The following ICA1 variants were observed in gnomAD, a reference collection of about 807,000 sequenced individuals.
The protein encoded by ICA1 is islet cell autoantigen 1.
A neutral mutation model predicts 71.0 loss-of-function variants in ICA1; 40 were observed. That is an observed-to-expected ratio of 0.56 (90% CI 0.44 to 0.73). ICA1 has a LOEUF of 0.73. Among genes scored for constraint, ICA1 ranks in the 30% least tolerant of loss-of-function variants. The pLI, the probability that ICA1 is intolerant of heterozygous loss-of-function variation, is 0.00. For missense variants in ICA1, 578 were observed against 576.5 expected (o/e 1.00, Z -0.03); for synonymous variants, 207 against 209.5 (o/e 0.99, Z 0.10).
chr7:8,153,381 A>G (rs1261061475), intron 8 of ICA1, among the ~76,000 whole-genome samples: 10 of 152,144 alleles, frequency 6.6e-5, no homozygotes, highest in African/African-American at 1.9e-4. Flanking sequence ...GAGGGGCCCA[A>G]TGCTCACTGC....
Position 8,234,280 on chromosome 7 carries a change from T to C in ICA1, c.18-1525A>G, listed in dbSNP as rs1801160747. On this transcript the variant is annotated intron_variant, in intron 2 of 13. Transcript: ENST00000402384. The surrounding 1 kb of genome is among the most constrained non-coding windows in gnomAD (Gnocchi z 4.5). ...AAAAGTAATTGAAAATGAAATGGAA[T>C]TGTGTAAAAGTGATTGGAGTACCCC... 6.6e-6 allele frequency among the ~76,000 whole-genome samples: 1 copy of C among 152,146 alleles called. No individual in the cohort carries two copies. Among genetic ancestry groups the C allele is most frequent in the Non-Finnish European group, 1.5e-5 (1 of 68,018 alleles).
intron 6 of ICA1, among the ~76,000 whole-genome samples, chr7:8,197,225 C>A (rs1340688626): frequency 6.6e-6 from 1 of 150,944 alleles, no homozygotes; most frequent in Admixed American, 6.6e-5. Flanking sequence ...ATGCTTCAGA[C>A]CCTTAAAAAA....
chr7:8,250,956 A>G lies in ICA1; in HGVS notation c.-80+11138T>C, dbSNP rs575053148. Among the ~76,000 whole-genome samples, 102 of 132,672 alleles carry G rather than the reference A, an allele frequency of 7.7e-4. 1 individual carries two copies. The highest frequency in any genetic ancestry group is 6.7e-4 in the Non-Finnish European group (43 of 64,504). The allele number at this position is 132,672 out of a possible 152,430, so 87.0% of individuals were successfully genotyped here. A position where few individuals can be genotyped will look rare whatever the true frequency, so the allele number is the denominator to read the frequency against. On this transcript the variant is annotated intron_variant, in intron 1 of 13. Transcript: ENST00000402384. ...TGCTCAGTTGCCCAGGCTGGAGTGC[A>G]ATTGTGACATTACAGCTCATGCAGC...
intron 1 of ICA1, among the ~76,000 whole-genome samples, chr7:8,244,039 C>G (rs558605633): frequency 8.3e-6 from 1 of 119,770 alleles, no homozygotes; most frequent in African/African-American, 4.4e-5. Flanking sequence ...ACTTTCTTCA[C>G]AGAATTGGAA....
intron 6 of ICA1, among the ~76,000 whole-genome samples, chr7:8,180,280 T>C (rs1781810117): frequency 6.6e-6 from 1 of 152,188 alleles, no homozygotes. Flanking sequence ...AAGTCATATA[T>C]ATATTGTGAT....
At chr7:8,243,928 A>T (rs536897110) in intron 1 of ICA1, among the ~76,000 whole-genome samples, 3 of 152,370 alleles carry the variant, frequency 2.0e-5, no homozygotes, top group African/African-American at 7.2e-5. Flanking sequence ...GGACACAAAC[A>T]AATGGAAGAA....
intron 1 of ICA1, among the ~76,000 whole-genome samples, chr7:8,256,308 G>T (rs1810148940): frequency 6.6e-6 from 1 of 152,082 alleles, no homozygotes; most frequent in Admixed American, 6.5e-5. Flanking sequence ...TGCCACTAGA[G>T]AAATTCCAAA....
intron 12 of ICA1, among the ~76,000 whole-genome samples, chr7:8,136,573 T>C (rs573138270): frequency 1.3e-5 from 2 of 152,238 alleles, no homozygotes; most frequent in African/African-American, 4.8e-5. Flanking sequence ...GTTGACAACA[T>C]AGAAGCAGAG....
chr7:8,220,799 A>G (rs145679869), intron 5 of ICA1, among the ~76,000 whole-genome samples: 1 of 152,232 alleles, frequency 6.6e-6, no homozygotes, highest in Non-Finnish European at 1.5e-5. Flanking sequence ...CATTTCTAAC[A>G]CACTCCCGGG....
At chr7:8,163,670 T>G (rs147017909) in intron 6 of ICA1, among the ~76,000 whole-genome samples, 1 of 152,272 alleles carries the variant, frequency 6.6e-6, no homozygotes, top group Non-Finnish European at 1.5e-5. Context: ...AGGACTAGCA[T>G]GATTAACTAT....
intron 5 of ICA1, among the ~76,000 whole-genome samples, chr7:8,220,731 C>T (rs998939967): frequency 2.0e-5 from 3 of 152,126 alleles, no homozygotes; most frequent in African/African-American, 4.8e-5. Flanking sequence ...AAAACAACAG[C>T]GGTCTAGTTA....
At chr7:8,187,908 G>A (rs1784392154) in intron 6 of ICA1, among the ~76,000 whole-genome samples, 1 of 152,124 alleles carries the variant, frequency 6.6e-6, no homozygotes, top group Non-Finnish European at 1.5e-5. Flanking sequence ...TCATTATATG[G>A]TACTTGACTG....
chr7:8,191,978 T>C (rs779735511), intron 6 of ICA1, among the ~76,000 whole-genome samples: 1 of 152,136 alleles, frequency 6.6e-6, no homozygotes, highest in Non-Finnish European at 1.5e-5. Context: ...ACTACATTTG[T>C]TTCATTTTCT....
chr7:8,143,393 A>G (rs565272197), intron 9 of ICA1, among the ~76,000 whole-genome samples: 7 of 152,342 alleles, frequency 4.6e-5, no homozygotes, highest in African/African-American at 1.7e-4. Flanking sequence ...TAGAAAACAC[A>G]GTGCCAAAAT....
intron 8 of ICA1, among the ~76,000 whole-genome samples, chr7:8,148,203 GA>G (rs1354341660): frequency 6.6e-6 from 1 of 152,102 alleles, no homozygotes; most frequent in African/African-American, 2.4e-5. Context: ...TAATCATACA[GA>G]AGCATGACAA....
chr7:8,187,562 A>G (rs1784289915), intron 6 of ICA1, among the ~76,000 whole-genome samples: 1 of 152,202 alleles, frequency 6.6e-6, no homozygotes, highest in Admixed American at 6.5e-5. Flanking sequence ...AATTTATAAC[A>G]AATGTTTTTC....
intron 6 of ICA1, among the ~76,000 whole-genome samples, chr7:8,215,419 G>A (rs569619928): frequency 3.9e-5 from 6 of 152,006 alleles, no homozygotes; most frequent in Non-Finnish European, 7.4e-5. Context: ...CCCCTTCCAG[G>A]AGCTCCTGCA....
In ICA1 at chr7:8,144,856, TG is replaced by T. The variant is rs1796349940; in HGVS notation, c.805-885del. Among the ~76,000 whole-genome samples the T allele has an allele frequency of 6.6e-6, 1 of 152,358 alleles. No homozygotes were observed. The highest frequency in any genetic ancestry group is 2.1e-4 in the South Asian group (1 of 4,826). On this transcript the variant is annotated intron_variant, in intron 8 of 13. Coordinates refer to ENST00000402384, the MANE Select transcript of ICA1 (RefSeq NM_001136020.3). The surrounding 1 kb of genome is among the most constrained non-coding windows in gnomAD (Gnocchi z 4.5). ...ACTACTAAAATCCAAGTCATGAGCC[TG>T]GGGCCTTCACCTTGTTTCTCCTGTC...
chr7:8,133,276 T>C (rs1183368404), intron 12 of ICA1, among the ~76,000 whole-genome samples: 3 of 152,192 alleles, frequency 2.0e-5, no homozygotes, highest in Non-Finnish European at 2.9e-5. Context: ...CTCTAAGAAA[T>C]AAATTCCATT....
Sources: allele counts gnomAD v4.1 joint callset (sites outside exome capture counted in the v4.1 genomes callset), GRCh38; gene constraint gnomAD v4.1.1; non-coding constraint Gnocchi (gnomAD v3.1); transcripts MANE v1.5; gene names NCBI Gene and HGNC (gene_info 2026-07-23, HGNC 2026-07-21).